Variants in PDS5A observed in about 807,000 individuals in gnomAD.
The protein encoded by PDS5A is PDS5 cohesin associated factor A, also known as sister chromatid cohesion protein PDS5 homolog A.
A neutral mutation model predicts 167.1 loss-of-function variants in PDS5A; 42 were observed. The ratio of observed to expected loss-of-function variants is 0.25; its 90% confidence interval spans 0.20 to 0.33. The LOEUF (loss-of-function observed/expected upper bound fraction) is 0.33, where lower values mean the gene tolerates loss of function less well. PDS5A is among the 10% of genes least tolerant of loss of function. The pLI is 1.00. For missense variants in PDS5A, 1,033 were observed against 1,605.9 expected (o/e 0.64, Z 6.10); for synonymous variants, 553 against 554.6 (o/e 1.00, Z 0.04).
At chr4:39,885,247 A>T (rs140883289) in intron 17 of PDS5A, among the ~76,000 whole-genome samples, 6 of 33,380 alleles carry the variant, frequency 1.8e-4, no homozygotes, top group African/African-American at 4.4e-4. Context: ...ATTCCTTCTT[A>T]AAAAAAAAAA....
chr4:39,897,933 G>A, intron 16 of PDS5A: 1 of 532,018 alleles, frequency 1.9e-6, no homozygotes, highest in Non-Finnish European at 2.4e-6. Flanking sequence ...TAAGAATATT[G>A]GTTTTAAATG....
chr4:39,832,138 A>C (rs1437759611), intron 32 of PDS5A, among the ~76,000 whole-genome samples: 1 of 151,690 alleles, frequency 6.6e-6, no homozygotes, highest in Non-Finnish European at 1.5e-5. Flanking sequence ...CAAAACAAAA[A>C]CCCAAAAACA....
At chr4:39,942,193 A>T (rs1727287564) in intron 2 of PDS5A, among the ~76,000 whole-genome samples, 1 of 152,146 alleles carries the variant, frequency 6.6e-6, no homozygotes, top group Non-Finnish European at 1.5e-5. Flanking sequence ...ACTTATACAT[A>T]TGTATATGTT....
At chr4:39,938,117 G>A (rs531595879) in intron 2 of PDS5A, among the ~76,000 whole-genome samples, 18 of 152,214 alleles carry the variant, frequency 1.2e-4, no homozygotes, top group African/African-American at 3.1e-4. Context: ...CCTCACTTTC[G>A]TTTTCTGTAT....
chr4:39,955,631 C>G (rs1025267954), intron 2 of PDS5A, among the ~76,000 whole-genome samples: 2 of 151,722 alleles, frequency 1.3e-5, no homozygotes, highest in Non-Finnish European at 2.9e-5. Flanking sequence ...AACAAATGTA[C>G]CACTCTGGAA....
chr4:39,847,230 G>A (rs571779279), intron 28 of PDS5A: 14 of 152,152 alleles, frequency 9.2e-5, no homozygotes, highest in Non-Finnish European at 1.9e-4. Flanking sequence ...TATCACCACT[G>A]TTACATAGAT....
chr4:39,891,564 C>T (rs1721965586), intron 16 of PDS5A, among the ~76,000 whole-genome samples: 1 of 151,676 alleles, frequency 6.6e-6, no homozygotes, highest in South Asian at 2.1e-4. Flanking sequence ...AGGAGAATTG[C>T]TTGAACCTGG....
chr4:39,835,732 A>G (rs2109478090), intron 32 of PDS5A, among the ~76,000 whole-genome samples: 1 of 152,236 alleles, frequency 6.6e-6, no homozygotes, highest in Admixed American at 6.5e-5. Context: ...CATGTTGGCC[A>G]GACTAGTCTG....
chr4:39,947,072 A>G (rs1727841618), intron 2 of PDS5A, among the ~76,000 whole-genome samples: 1 of 152,172 alleles, frequency 6.6e-6, no homozygotes, highest in South Asian at 2.1e-4. Flanking sequence ...GGAAGACCCT[A>G]TCTCTATTGA....
intron 31 of PDS5A, 148 bp downstream of exon 31, chr4:39,841,800 C>T (rs372979693): frequency 2.5e-5 from 14 of 557,822 alleles, no homozygotes; most frequent in South Asian, 1.6e-4. Flanking sequence ...AGCCGGGGTG[C>T]GGGAAGCGGG....
rs571991742 is a variant in PDS5A, at chr4:39,854,670, AACC to A, written c.3087-5021_3087-5019del. ...GAGCATATATCACATATCATATTGT[AACC>A]ACCTCTTTATCTTTCTTCATCTTCC... On this transcript the variant is annotated intron_variant, in intron 26 of 32. Coordinates refer to ENST00000303538, the MANE Select transcript of PDS5A (RefSeq NM_001100399.2). 1.9e-3 allele frequency among the ~76,000 whole-genome samples: 293 copies of A among 152,350 alleles called. 1 individual carries two copies. The South Asian group carries it at 0.021, about 11-fold the overall frequency.
intron 9 of PDS5A, among the ~76,000 whole-genome samples, chr4:39,911,147 G>C (rs1723849322): frequency 6.6e-6 from 1 of 151,936 alleles, no homozygotes; most frequent in Non-Finnish European, 1.5e-5. Flanking sequence ...CAAGACGAAA[G>C]GTTTATATGA....
chr4:39,896,209 G>A (rs904904694), intron 16 of PDS5A, among the ~76,000 whole-genome samples: 2 of 151,112 alleles, frequency 1.3e-5, no homozygotes, highest in Non-Finnish European at 2.9e-5. Flanking sequence ...TGTGCAGCTA[G>A]TTTTCTTTAA....
intron 12 of PDS5A, 145 bp downstream of exon 12, chr4:39,903,895 A>C (rs1723084616): frequency 2.1e-6 from 1 of 479,094 alleles, no homozygotes; most frequent in African/African-American, 2.0e-5. Flanking sequence ...AAACTTAGAA[A>C]TAAATGATTA....
chr4:39,892,602 T>A (rs1722070371), intron 16 of PDS5A, among the ~76,000 whole-genome samples: 1 of 152,200 alleles, frequency 6.6e-6, no homozygotes, highest in Admixed American at 6.5e-5. Context: ...TGGAAATATT[T>A]GTCAGCCTCT....
rs1324215022 is a variant in PDS5A, at chr4:39,866,250, G to A, written c.2642+611C>T. Among the ~76,000 whole-genome samples the A allele has an allele frequency of 3.3e-5, 5 of 152,184 alleles. No individual in the cohort carries two copies. In the East Asian group the frequency reaches 9.6e-4, roughly 29 times the overall value. ...CTGCCTCAGCCTCCTGAGTAGCTGG[G>A]ATTACAGGCATGTGCCACCATGCCT... On this transcript the variant is annotated intron_variant, in intron 23 of 32. Transcript: ENST00000303538.
intron 16 of PDS5A, among the ~76,000 whole-genome samples, chr4:39,892,759 G>A (rs1237617198): frequency 6.6e-6 from 1 of 152,202 alleles, no homozygotes; most frequent in Non-Finnish European, 1.5e-5. Flanking sequence ...CTAGGTAGAG[G>A]AGGGTTTTTA....
chr4:39,920,029 GA>G (rs1223281004), intron 7 of PDS5A, among the ~76,000 whole-genome samples: 1 of 151,318 alleles, frequency 6.6e-6, no homozygotes, highest in Non-Finnish European at 1.5e-5. Context: ...GAGACACAGA[GA>G]CCCAAGGAAA....
intron 2 of PDS5A, among the ~76,000 whole-genome samples, chr4:39,946,823 G>GA (rs1727816509): frequency 6.6e-6 from 1 of 152,170 alleles, no homozygotes; most frequent in African/African-American, 2.4e-5. Context: ...TGAGGCAGGA[G>GA]AATCGCTTCA....
Sources: allele counts gnomAD v4.1 joint callset (sites outside exome capture counted in the v4.1 genomes callset), GRCh38; gene constraint gnomAD v4.1.1; transcripts MANE v1.5; gene names NCBI Gene and HGNC (gene_info 2026-07-23, HGNC 2026-07-21).